Variants in CSMD1 observed in about 807,000 individuals in gnomAD.
The protein encoded by CSMD1 is CUB and sushi domain-containing protein 1.
A neutral mutation model predicts 417.5 loss-of-function variants in CSMD1; 213 were observed. That is an observed-to-expected ratio of 0.51 (90% CI 0.46 to 0.57). The LOEUF (loss-of-function observed/expected upper bound fraction) is 0.57, where lower values mean the gene tolerates loss of function less well. Ranked by LOEUF, CSMD1 falls within the 20% of genes least tolerant of loss-of-function variation. The pLI is 0.00. For missense variants in CSMD1, 6,923 were observed against 4,529.7 expected, an observed-to-expected ratio of 1.53 and a Z score of -15.17; for synonymous variants, 2,862 against 1,736.8, an observed-to-expected ratio of 1.65 and a Z score of -16.11.
At position 4,508,431 on chromosome 8, in the gene CSMD1, C is replaced by A. The variant is rs567382057; in HGVS notation, c.303-88366G>T. Reference sequence around the variant, plus strand: ...ATCTTTGCCATGCTTCAAAGTCAACCCACTTAGATACCAATGAAACAAGTA... The same window carrying A: ...ATCTTTGCCATGCTTCAAAGTCAACACACTTAGATACCAATGAAACAAGTA... On this transcript the variant is annotated intron_variant, in intron 2 of 69. Coordinates refer to ENST00000635120, the MANE Select transcript of CSMD1 (RefSeq NM_033225.6). Among the ~76,000 whole-genome samples, 10 of 152,116 alleles carry A rather than the reference C, an allele frequency of 6.6e-5. No homozygotes were observed. In the South Asian group the frequency reaches 1.9e-3, roughly 28 times the overall value.
chr8:4,456,087 A>G (rs548948370), intron 2 of CSMD1, among the ~76,000 whole-genome samples: 24 of 148,742 alleles, frequency 1.6e-4, no homozygotes, highest in African/African-American at 5.4e-4. Flanking sequence ...AAAAAATGTG[A>G]AAGTACGTAC....
intron 2 of CSMD1, among the ~76,000 whole-genome samples, chr8:4,463,526 T>A (rs1319224222): frequency 6.6e-6 from 1 of 152,064 alleles, no homozygotes. Flanking sequence ...AGTCAACCGA[T>A]GAAAAAACAT....
chr8:3,308,061 T>G (rs1161418314), intron 24 of CSMD1, among the ~76,000 whole-genome samples: 2 of 30,432 alleles, frequency 6.6e-5, no homozygotes, highest in Non-Finnish European at 1.5e-4. Flanking sequence ...CATGTGATAA[T>G]TCTAATAATA....
intron 3 of CSMD1, among the ~76,000 whole-genome samples, chr8:4,406,820 T>A (rs961827628): frequency 6.6e-6 from 1 of 152,226 alleles, no homozygotes; most frequent in Non-Finnish European, 1.5e-5. Flanking sequence ...AACAAAGTTG[T>A]CTTGTCAGTT....
chr8:3,554,777 C>T (rs1004039847), intron 10 of CSMD1, among the ~76,000 whole-genome samples: 1 of 152,124 alleles, frequency 6.6e-6, no homozygotes, highest in African/African-American at 2.4e-5. Flanking sequence ...AGTAAATCTA[C>T]AAAGTAAGCA....
chr8:4,116,321 C>T (rs1487425534), intron 3 of CSMD1, among the ~76,000 whole-genome samples: 2 of 152,112 alleles, frequency 1.3e-5, no homozygotes, highest in African/African-American at 4.8e-5. Flanking sequence ...GACGGTGAAA[C>T]CACTCTGTAT....
chr8:4,455,028 G>A (rs147698742), intron 2 of CSMD1, among the ~76,000 whole-genome samples: 6 of 152,004 alleles, frequency 3.9e-5, no homozygotes, highest in Admixed American at 2.0e-4. Flanking sequence ...GTGTCAGTCC[G>A]CTGTCATCAA....
At chr8:4,405,521 C>T (rs563178387) in intron 3 of CSMD1, among the ~76,000 whole-genome samples, 2 of 151,808 alleles carry the variant, frequency 1.3e-5, no homozygotes, top group South Asian at 2.1e-4. Flanking sequence ...AGCGGCTTAA[C>T]AAAAAATTAT....
intron 1 of CSMD1, among the ~76,000 whole-genome samples, chr8:4,655,939 C>G (rs1258987312): frequency 6.6e-6 from 1 of 152,102 alleles, no homozygotes; most frequent in African/African-American, 2.4e-5. Context: ...AGAGAAGACA[C>G]AGATCTGTGC....
chr8:4,819,467 G>A (rs1799397105), intron 1 of CSMD1, among the ~76,000 whole-genome samples: 1 of 152,010 alleles, frequency 6.6e-6, no homozygotes, highest in African/African-American at 2.4e-5. Flanking sequence ...TTGCCAAATT[G>A]ACATCCAACA....
intron 3 of CSMD1, among the ~76,000 whole-genome samples, chr8:4,290,639 G>T (rs988493039): frequency 6.6e-6 from 1 of 152,192 alleles, no homozygotes; most frequent in African/African-American, 2.4e-5. Context: ...GATTCCTTGT[G>T]AGAAGTATAT....
rs762240048 is a variant in CSMD1 at position 3,869,813 on chromosome 8, G to A, written c.819-115771C>T. Among the ~76,000 whole-genome samples the A allele has an allele frequency of 1.2e-4, 19 of 152,060 alleles. 1 individual carries two copies. Among genetic ancestry groups the A allele is most frequent in the Non-Finnish European group, 2.4e-4 (16 of 68,028 alleles). On this transcript the variant is annotated intron_variant, in intron 5 of 69. Coordinates refer to ENST00000635120, the MANE Select transcript of CSMD1 (RefSeq NM_033225.6). ...CAAGATGGGAGCTTGCCAGATTTCC[G>A]TATCAACTGCCACTTAATAATCACA...
At chr8:2,944,597 T>A (rs955177156) in intron 68 of CSMD1, among the ~76,000 whole-genome samples, 3 of 152,212 alleles carry the variant, frequency 2.0e-5, no homozygotes, top group African/African-American at 7.2e-5. Context: ...TTTGTTTTGT[T>A]TGGTTTCGTT....
chr8:4,570,818 G>T (rs1331063706), intron 2 of CSMD1, among the ~76,000 whole-genome samples: 1 of 152,086 alleles, frequency 6.6e-6, no homozygotes, highest in Non-Finnish European at 1.5e-5. Context: ...GTCAATTTTG[G>T]AACTTGTTAT....
chr8:4,785,125 T>G (rs917430977), intron 1 of CSMD1, among the ~76,000 whole-genome samples: 3 of 152,200 alleles, frequency 2.0e-5, no homozygotes, highest in Non-Finnish European at 4.4e-5. Flanking sequence ...CAGGAGAATT[T>G]TTAAACCATG....
intron 2 of CSMD1, among the ~76,000 whole-genome samples, chr8:4,494,240 C>G (rs1180872516): frequency 6.6e-6 from 1 of 152,138 alleles, no homozygotes; most frequent in Non-Finnish European, 1.5e-5. Flanking sequence ...TCCATGTAAA[C>G]TGAACAAACG....
chr8:3,227,223 A>C (rs1798561267), intron 27 of CSMD1, among the ~76,000 whole-genome samples: 1 of 152,084 alleles, frequency 6.6e-6, no homozygotes, highest in Non-Finnish European at 1.5e-5. Flanking sequence ...ACATAGTGAA[A>C]ACCCATCTCT....
Position 4,888,761 on chromosome 8 carries a change from G to C in CSMD1, c.85+105571C>G, listed in dbSNP as rs868316555. On this transcript the variant is annotated intron_variant, in intron 1 of 69. Coordinates refer to ENST00000635120, the MANE Select transcript of CSMD1 (RefSeq NM_033225.6). ...CTGGGATATGTGTTAGGGCTAAAAAGTAAGAACATTTCCAAAAATCACAGG... is the reference window on the plus strand; with the variant it reads ...CTGGGATATGTGTTAGGGCTAAAAACTAAGAACATTTCCAAAAATCACAGG... Among the ~76,000 whole-genome samples the C allele has an allele frequency of 1.1e-4, 16 of 152,202 alleles. 2 individuals are homozygous for C. The South Asian group carries it at 2.9e-3, about 28-fold the overall frequency.
chr8:3,639,319 A>T (rs1330627468), intron 7 of CSMD1, among the ~76,000 whole-genome samples: 1 of 152,178 alleles, frequency 6.6e-6, no homozygotes, highest in African/African-American at 2.4e-5. Flanking sequence ...GTGTTGTTTC[A>T]TTAAGAGAAT....
Sources: allele counts gnomAD v4.1 joint callset (sites outside exome capture counted in the v4.1 genomes callset), GRCh38; gene constraint gnomAD v4.1.1; transcripts MANE v1.5; gene names NCBI Gene and HGNC (gene_info 2026-07-23, HGNC 2026-07-21).